The following DNAH12 variants were observed in gnomAD, a reference collection of about 807,000 sequenced individuals.
DNAH12 encodes dynein axonemal heavy chain 12.
Under a neutral mutation model 371.5 loss-of-function variants are expected in DNAH12, and 285 were observed. The observed-to-expected ratio is 0.77, with a 90% CI of 0.70 to 0.85. DNAH12 has a LOEUF of 0.85. DNAH12 is among the 40% of genes least tolerant of loss of function. The pLI is 0.00. For synonymous variants in DNAH12, 1,200 were observed against 1,213.0 expected (o/e 0.99, Z 0.22); for missense variants, 3,611 against 3,689.4 (o/e 0.98, Z 0.55).
intron 58 of DNAH12, among the ~76,000 whole-genome samples, chr3:57,359,893 T>C (rs1575500935): frequency 1.3e-5 from 2 of 152,164 alleles, no homozygotes; most frequent in African/African-American, 4.8e-5. Context: ...AAAGGTAGAA[T>C]AGAAGTCAGG....
chr3:57,434,882 G>C (rs2065071150), intron 30 of DNAH12, among the ~76,000 whole-genome samples: 1 of 152,058 alleles, frequency 6.6e-6, no homozygotes, highest in Non-Finnish European at 1.5e-5. Flanking sequence ...AAAAAAACAT[G>C]GTCAGTTTGC....
Position 57,421,536 on chromosome 3 carries a change from G to T in DNAH12, c.5544C>A (p.Val1848=). 1.3e-6 allele frequency: 2 copies of T among 1,551,558 alleles called. No individual in the cohort carries two copies. The highest frequency in any genetic ancestry group is 2.4e-5 in the South Asian group (2 of 84,038). The change falls in exon 36 of 74, where the codon GTC becomes GTA. Residue 1848 remains valine, a synonymous_variant. Coordinates refer to ENST00000495027, the MANE Select transcript of DNAH12 (RefSeq NM_001366028.2). ...GTCATACCTCATACATGTAGTCATA[G>T]ACCAGGCCTTTTTCATCAAATGGGC... ...WECPFDEKGL[V]YDYMYELKNK...
chr3:57,526,873 A>C (rs145640541), intron 2 of DNAH12, among the ~76,000 whole-genome samples: 1 of 15,694 alleles, frequency 6.4e-5, no homozygotes, highest in African/African-American at 2.9e-4. Context: ...TTACTCTGTC[A>C]CCCAGGTTGG....
chr3:57,424,679 G>A (rs1230685571), intron 35 of DNAH12, among the ~76,000 whole-genome samples: 1 of 151,762 alleles, frequency 6.6e-6, no homozygotes, highest in African/African-American at 2.4e-5. Flanking sequence ...GGGAGGCTGA[G>A]GGAGGAGAAT....
rs1262868152 is a variant in DNAH12 at position 57,470,531 on chromosome 3, A to G, written c.2017T>C (p.Tyr673His). The change falls in exon 16 of 74, where the codon TAT (tyrosine) becomes CAT (histidine). Residue 673 changes from tyrosine to histidine, a missense_variant. By Grantham distance (83) the Tyr-to-His change is moderately conservative. Around this residue, in one of 3 missense-constraint regions of DNAH12, gnomAD observed 1,314 missense variants for 1,398.7 expected, o/e 0.94. Coordinates refer to ENST00000495027, the MANE Select transcript of DNAH12 (RefSeq NM_001366028.2). ...EELFKWELTK[Y>H]PELDKLKVNI... ...ACTTTTAATTTATCCAGTTCAGGAT[A>G]TTTTGTCAATTCCCACTTGAAAAGT... is the stretch of plus-strand genomic sequence containing the variant. 8 of 1,550,108 alleles carry G rather than the reference A, an allele frequency of 5.2e-6. No individual in the cohort carries two copies. The East Asian group carries it at 2.0e-4, about 38-fold the overall frequency.
chr3:57,397,367 C>CA (rs1342675300), intron 43 of DNAH12, among the ~76,000 whole-genome samples: 2 of 152,206 alleles, frequency 1.3e-5, no homozygotes, highest in East Asian at 3.9e-4. Context: ...GCTCCTCCCC[C>CA]AGCTGGGCAC....
intron 4 of DNAH12, among the ~76,000 whole-genome samples, chr3:57,516,513 T>A (rs565457556): frequency 6.6e-6 from 1 of 152,298 alleles, no homozygotes; most frequent in African/African-American, 2.4e-5. Flanking sequence ...GTGTCGCCAA[T>A]TACCCTGCAA....
intron 42 of DNAH12, among the ~76,000 whole-genome samples, chr3:57,403,718 T>G (rs1553679966): frequency 1.3e-5 from 2 of 152,126 alleles, no homozygotes; most frequent in Non-Finnish European, 2.9e-5. Context: ...AAAGTTCAAA[T>G]TCAGGAAATT....
At chr3:57,332,063 G>A (rs1167438962) in intron 62 of DNAH12, among the ~76,000 whole-genome samples, 2 of 151,786 alleles carry the variant, frequency 1.3e-5, no homozygotes, top group East Asian at 1.9e-4. Flanking sequence ...GCTGTATTTC[G>A]AACTAAGCCT....
chr3:57,391,416 G>T (rs1269380147), intron 45 of DNAH12, among the ~76,000 whole-genome samples: 2 of 152,264 alleles, frequency 1.3e-5, no homozygotes, highest in South Asian at 2.1e-4. Flanking sequence ...CTTCAGACTG[G>T]AACTACATCA....
intron 29 of DNAH12, among the ~76,000 whole-genome samples, chr3:57,437,487 T>C (rs1402750947): frequency 1.3e-5 from 2 of 152,138 alleles, no homozygotes; most frequent in East Asian, 1.9e-4. Flanking sequence ...ATAAAAGAAC[T>C]CAGTTTCAGA....
intron 51 of DNAH12, among the ~76,000 whole-genome samples, chr3:57,379,842 CAAAAAAAAAAAAAA>C (rs1170490495): frequency 1.8e-4 from 4 of 22,378 alleles, no homozygotes; most frequent in Admixed American, 6.9e-4. Context: ...CTCTGTCTCC[CAAAAAAAAAAAAAA>C]AAAAAAAAAA....
chr3:57,396,302 A>C (rs1180438601), intron 43 of DNAH12, among the ~76,000 whole-genome samples: 5 of 149,506 alleles, frequency 3.3e-5, no homozygotes, highest in South Asian at 2.1e-4. Flanking sequence ...AAAAAAAAAA[A>C]AAAAAAAAGA....
At chr3:57,388,573 G>A (rs925738471) in intron 45 of DNAH12, among the ~76,000 whole-genome samples, 1 of 151,296 alleles carries the variant, frequency 6.6e-6, no homozygotes, top group Non-Finnish European at 1.5e-5. Context: ...CTAAAAAAGA[G>A]ACTTCTAAAG....
Position 57,403,432 on chromosome 3 carries a change from A to T in DNAH12, c.6825T>A (p.Val2275=). 6.4e-7 allele frequency: 1 copy of T among 1,551,538 alleles called. No individual in the cohort carries two copies. Among genetic ancestry groups the T allele is most frequent in the Non-Finnish European group, 8.7e-7 (1 of 1,146,884 alleles). Residue 2275 remains valine (V), a synonymous_variant, in exon 43 of 74, where the codon GTT becomes GTA. Transcript: ENST00000495027. Reference sequence around the variant, plus strand: ...ATTGACGACCACTTCCTCCAAGACCAACAAGCAAAGCATTTCCACCAGATT... The same window carrying T: ...ATTGACGACCACTTCCTCCAAGACCTACAAGCAAAGCATTTCCACCAGATT... ...LKQSGGNALL[V]GLGGSGRQSL... is the part of the protein sequence containing the mutation.
chr3:57,320,012 A>G (rs756129609), intron 65 of DNAH12, among the ~76,000 whole-genome samples: 6 of 152,076 alleles, frequency 3.9e-5, no homozygotes, highest in Non-Finnish European at 8.8e-5. Context: ...TATAAGTTGA[A>G]TCATTTTAGC....
At chr3:57,514,936 T>C (rs1473060878) in intron 4 of DNAH12, among the ~76,000 whole-genome samples, 1 of 152,210 alleles carries the variant, frequency 6.6e-6, no homozygotes, top group East Asian at 1.9e-4. Context: ...CACAGTAGTA[T>C]GAGTTAGCAA....
intron 72 of DNAH12, 47 bp downstream of exon 72, chr3:57,296,295 CTA>C: frequency 7.2e-7 from 1 of 1,388,866 alleles, no homozygotes; most frequent in Non-Finnish European, 9.8e-7. Context: ...CTTATCTTAT[CTA>C]TGATTCAGCT....
intron 71 of DNAH12, among the ~76,000 whole-genome samples, 156 bp from the exon 72 acceptor site, chr3:57,296,591 T>G (rs938436241): frequency 2.0e-5 from 3 of 152,252 alleles, no homozygotes; most frequent in Non-Finnish European, 2.9e-5. Context: ...TGTAAAAAAG[T>G]ATAAAAGTAC....
Sources: gnomAD v4.1 joint callset for allele counts (sites outside exome capture counted in the v4.1 genomes callset) on GRCh38, gnomAD v4.1.1 for gene constraint, gnomAD v4.1.1 regional missense constraint, MANE v1.5 for transcripts, NCBI Gene and HGNC (gene_info 2026-07-23, HGNC 2026-07-21) for gene names.